Variants in DHX29 observed in about 807,000 individuals in gnomAD.
DHX29 encodes DExH-box helicase 29.
In DHX29, 79 loss-of-function variants were observed where a neutral mutation model predicts 167.9. The observed-to-expected ratio is 0.47, with a 90% CI of 0.39 to 0.57. DHX29 has a LOEUF of 0.57. Among genes scored for constraint, DHX29 ranks in the 20% least tolerant of loss-of-function variants. The pLI, the probability that DHX29 is intolerant of heterozygous loss-of-function variation, is 0.00. For synonymous variants in DHX29, 530 were observed against 546.0 expected, an observed-to-expected ratio of 0.97 and a Z score of 0.41; for missense variants, 1,347 against 1,593.4, an observed-to-expected ratio of 0.85 and a Z score of 2.63.
In DHX29 at chr5:55,274,722, G is replaced by A; in HGVS notation, c.2582C>T (p.Pro861Leu). The change falls in exon 16 of 27, where the codon CCC becomes CTC. Residue 861 changes from proline (P) to leucine (L), a missense_variant. Pro to Leu is a moderately conservative substitution (Grantham distance 98). Transcript: ENST00000251636. Reference protein sequence around the residue: ...LELLAYLDKSPQFRNIEGAVL... With the variant: ...LELLAYLDKSLQFRNIEGAVL... Reference sequence around the variant, plus strand: ...TGCTCCTTCAATATTTCTGAATTGGGGACTTTTATCTGAAATTTTTAAAAA... The same window carrying A: ...TGCTCCTTCAATATTTCTGAATTGGAGACTTTTATCTGAAATTTTTAAAAA... 6.3e-7 allele frequency: 1 copy of A among 1,586,262 alleles called. No homozygotes were observed. Among genetic ancestry groups the A allele is most frequent in the South Asian group, 1.2e-5 (1 of 85,134 alleles).
chr5:55,301,901 T>C (rs995998863), intron 1 of DHX29, among the ~76,000 whole-genome samples: 3 of 152,246 alleles, frequency 2.0e-5, no homozygotes, highest in African/African-American at 7.2e-5. Flanking sequence ...CATTTTAAGA[T>C]GGTAGCTAAT....
intron 23 of DHX29, among the ~76,000 whole-genome samples, chr5:55,265,571 C>T (rs7707632): frequency 0.059 from 8,924 of 150,972 alleles, 463 homozygotes; most frequent in African/African-American, 0.12. Flanking sequence ...TAGGAAAAAA[C>T]TGAGAAAGTG....
chr5:55,262,960 A>G, intron 23 of DHX29, 28 bp from the exon 24 acceptor site: 2 of 1,517,980 alleles, frequency 1.3e-6, no homozygotes, highest in South Asian at 1.2e-5. Flanking sequence ...AAAAACACAA[A>G]TAATCAAATT....
intron 24 of DHX29, 116 bp from the exon 25 acceptor site, chr5:55,261,615 G>A (rs1746320770): frequency 1.4e-6 from 1 of 699,152 alleles, no homozygotes; most frequent in Non-Finnish European, 2.5e-6. Context: ...TAAGCTCAGA[G>A]TATTTGTAAA....
At chr5:55,275,118 CATT>C in intron 14 of DHX29, 108 bp from the exon 15 acceptor site, 1 of 1,233,138 alleles carries the variant, frequency 8.1e-7, no homozygotes, top group Non-Finnish European at 1.1e-6. Flanking sequence ...ATATTTTTCT[CATT>C]GTCACCATTA....
At chr5:55,297,164 G>A (rs770976287) in intron 3 of DHX29, 121 bp downstream of exon 3, 21 of 604,958 alleles carry the variant, frequency 3.5e-5, no homozygotes, top group Non-Finnish European at 5.8e-5. Flanking sequence ...TCTATTCTTA[G>A]AGATGGAAAT....
At chr5:55,285,947 C>A in intron 8 of DHX29, 86 bp from the exon 9 acceptor site, 1 of 1,131,370 alleles carries the variant, frequency 8.8e-7, no homozygotes, top group Non-Finnish European at 1.2e-6. Flanking sequence ...CTTTGGAGAA[C>A]AGCACTTTTA....
intron 3 of DHX29, 120 bp from the exon 4 acceptor site, chr5:55,296,469 T>C (rs1480060582): frequency 1.6e-6 from 2 of 1,257,220 alleles, no homozygotes. Flanking sequence ...AAACTATCTT[T>C]TTTTTCCCAG....
chr5:55,304,790 G>A (rs1410153493), intron 1 of DHX29, among the ~76,000 whole-genome samples: 1 of 152,082 alleles, frequency 6.6e-6, no homozygotes, highest in Non-Finnish European at 1.5e-5. Flanking sequence ...GGACAATTTT[G>A]ACCAGCTGTG....
At chr5:55,276,595 A>C (rs1747129213) in intron 13 of DHX29, among the ~76,000 whole-genome samples, 189 bp from the exon 14 acceptor site, 1 of 152,226 alleles carries the variant, frequency 6.6e-6, no homozygotes, top group Non-Finnish European at 1.5e-5. Context: ...CTAAAGTCTC[A>C]GGACAAATTA....
chr5:55,282,627 TTTAA>T (rs1274351083), intron 11 of DHX29, among the ~76,000 whole-genome samples: 5 of 152,226 alleles, frequency 3.3e-5, no homozygotes, highest in African/African-American at 1.2e-4. Flanking sequence ...TTCTAACTAG[TTTAA>T]TTAATTAAAC....
intron 26 of DHX29, among the ~76,000 whole-genome samples, chr5:55,259,001 G>GT (rs1337067385): frequency 6.6e-6 from 1 of 152,032 alleles, no homozygotes; most frequent in Non-Finnish European, 1.5e-5. Flanking sequence ...TACATATATA[G>GT]GTATGTGTAT....
rs920655102 is a variant in DHX29, at chr5:55,267,832, A to T, written c.3295-10T>A. 15 of 1,586,960 alleles carry T rather than the reference A, an allele frequency of 9.5e-6. No individual in the cohort carries two copies. The highest frequency in any genetic ancestry group is 1.3e-5 in the Non-Finnish European group (15 of 1,166,314). On this transcript the variant is annotated splice_polypyrimidine_tract_variant and intron_variant, in intron 21 of 26. Coordinates refer to ENST00000251636, the MANE Select transcript of DHX29 (RefSeq NM_019030.4). ...CTGCAGCTAGTGTTGCCTATCCATAAATCATAAATGACAAAACAATTTATC... is the reference window on the plus strand; with the variant it reads ...CTGCAGCTAGTGTTGCCTATCCATATATCATAAATGACAAAACAATTTATC...
At chr5:55,270,284 G>A (rs1206993322) in intron 20 of DHX29, 128 bp downstream of exon 20, 1 of 1,008,242 alleles carries the variant, frequency 9.9e-7, no homozygotes, top group Non-Finnish European at 1.4e-6. Context: ...GATGGATAAG[G>A]GCATATATTA....
chr5:55,294,202 A>G (rs911732776), intron 5 of DHX29, 57 bp from the exon 6 acceptor site: 5 of 1,482,474 alleles, frequency 3.4e-6, no homozygotes, highest in Non-Finnish European at 4.5e-6. Flanking sequence ...TGTCAAAACT[A>G]TCTTGTCACT....
At chr5:55,263,796 G>A (rs1244125589) in intron 23 of DHX29, among the ~76,000 whole-genome samples, 1 of 146,890 alleles carries the variant, frequency 6.8e-6, no homozygotes, top group Non-Finnish European at 1.5e-5. Flanking sequence ...GCCAGAGGGG[G>A]CTATTTCTTC....
chr5:55,293,979 A>C (rs778605826), intron 6 of DHX29, 38 bp downstream of exon 6: 6 of 1,590,098 alleles, frequency 3.8e-6, no homozygotes, highest in Non-Finnish European at 3.4e-6. Flanking sequence ...CTTGCTTAAG[A>C]GCATCCAGTT....
rs752682712 is a variant in DHX29, at chr5:55,307,413, CCGGCAG to C, written c.155_160del (p.Ala52_Ala53del). Reference sequence around the variant, plus strand: ...TTGCTTGACACGGGGCTCCCTGGAGCCGGCAGCGGCAGCGGCAGCGGTGGCCGGCCT... The same window carrying C: ...TTGCTTGACACGGGGCTCCCTGGAGCCGGCAGCGGCAGCGGTGGCCGGCCT... On this transcript the variant is annotated inframe_deletion, in exon 1 of 27. Coordinates refer to ENST00000251636, the MANE Select transcript of DHX29 (RefSeq NM_019030.4). 3.2e-5 allele frequency: 51 copies of C among 1,612,970 alleles called. No individual in the cohort carries two copies. Among genetic ancestry groups the C allele is most frequent in the Middle Eastern group, 1.7e-4 (1 of 6,058 alleles).
chr5:55,306,170 G>A (rs1473729957), intron 1 of DHX29, among the ~76,000 whole-genome samples: 1 of 152,022 alleles, frequency 6.6e-6, no homozygotes, highest in African/African-American at 2.4e-5. Context: ...TAAATCGCAG[G>A]GCAAAGAACT....
Sources: gnomAD v4.1 joint callset for allele counts (sites outside exome capture counted in the v4.1 genomes callset) on GRCh38, gnomAD v4.1.1 for gene constraint, MANE v1.5 for transcripts, NCBI Gene and HGNC (gene_info 2026-07-23, HGNC 2026-07-21) for gene names.